Variants in TRIM56 observed in about 807,000 individuals in gnomAD.
TRIM56 encodes tripartite motif containing 56, also known as E3 ubiquitin-protein ligase TRIM56.
TRIM56 carries 10 observed loss-of-function variants against 17.1 expected under a neutral mutation model. The observed-to-expected ratio is 0.58, with a 90% CI of 0.36 to 0.99. TRIM56 has a LOEUF of 0.99. Among genes scored for constraint, TRIM56 ranks in the 50% least tolerant of loss-of-function variants. TRIM56 has a pLI of 0.01. For synonymous variants in TRIM56, 503 were observed against 473.5 expected (o/e 1.06, Z -0.81); for missense variants, 923 against 1,052.3 (o/e 0.88, Z 1.70).
intron 1 of TRIM56, 93 bp from the exon 2 acceptor site, chr7:101,086,913 G>A (rs1370426007): frequency 4.8e-6 from 1 of 207,922 alleles, no homozygotes; most frequent in Non-Finnish European, 9.7e-6. Context: ...GTGCACACAG[G>A]AGGGCTTCCA....
Position 101,091,840 on chromosome 7 carries a change from C to T in TRIM56, c.*2260C>T, listed in dbSNP as rs558521440. 5 of 395,672 alleles carry T rather than the reference C, an allele frequency of 1.3e-5. No homozygotes were observed. The highest frequency in any genetic ancestry group is 7.3e-5 in the East Asian group (1 of 13,790). The allele number at this position is 395,672 out of a possible 1,614,324, so 24.5% of individuals were successfully genotyped here. Reference sequence around the variant, plus strand: ...TCACGGTCTCCCTCTGATGCCGAGCCGAAGCTGGACTGTACTGCTGCCATC... The same window carrying T: ...TCACGGTCTCCCTCTGATGCCGAGCTGAAGCTGGACTGTACTGCTGCCATC... On this transcript the variant is annotated 3_prime_UTR_variant, in exon 3 of 3. Transcript: ENST00000306085.
chr7:101,089,694 C>A lies in TRIM56; in HGVS notation c.*114C>A. 3 of 1,027,100 alleles carry A rather than the reference C, an allele frequency of 2.9e-6. No homozygotes were observed. Among genetic ancestry groups the A allele is most frequent in the South Asian group, 3.4e-5 (2 of 58,544 alleles). 63.6% of individuals were successfully genotyped at this position (1,027,100 alleles called of 1,614,324 possible). A position where few individuals can be genotyped will look rare whatever the true frequency, so the allele number is the denominator to read the frequency against. ...TTTCCTGAAGGGCAGGGGTTGGCAA[C>A]TTTTCAACATGGAGTGCCAAACTGC... On this transcript the variant is annotated 3_prime_UTR_variant, in exon 3 of 3. Coordinates refer to ENST00000306085, the MANE Select transcript of TRIM56 (RefSeq NM_030961.3).
In TRIM56 at chr7:101,089,076, C is replaced by G; in HGVS notation, c.1764C>G (p.Ser588=). 1 of 1,598,222 alleles carries G rather than the reference C, an allele frequency of 6.3e-7. No individual in the cohort carries two copies. Among genetic ancestry groups the G allele is most frequent in the Non-Finnish European group, 8.5e-7 (1 of 1,174,822 alleles). ...EVQWRRALSL[S]QASHAVAALP... ...AGTGGCGCAGGGCCCTGAGCCTCTC[C>G]CAGGCCAGCCACGCGGTGGCGGCAC... is the stretch of plus-strand genomic sequence containing the variant. Residue 588 remains serine, a synonymous_variant, in exon 3 of 3, where the codon TCC becomes TCG. Transcript: ENST00000306085.
chr7:101,089,584 G>T lies in TRIM56; in HGVS notation c.*4G>T, dbSNP rs1348842778. The T allele has an allele frequency of 1.9e-6, 3 of 1,610,762 alleles. No homozygotes were observed. The African/African-American group carries it at 4.0e-5, about 22-fold the overall frequency. ...GGTCCGTTCTCCGGACAGTTAAAGGGGCTAGGACTAGGGTGAGAGGGAGTG... is the reference window on the plus strand; with the variant it reads ...GGTCCGTTCTCCGGACAGTTAAAGGTGCTAGGACTAGGGTGAGAGGGAGTG... On this transcript the variant is annotated 3_prime_UTR_variant, in exon 3 of 3. Coordinates refer to ENST00000306085, the MANE Select transcript of TRIM56 (RefSeq NM_030961.3).
rs1350904111 is a variant in TRIM56 at position 101,087,099 on chromosome 7, G to A, written c.-71G>A. 6 of 580,742 alleles carry A rather than the reference G, an allele frequency of 1.0e-5. No homozygotes were observed. The highest frequency in any genetic ancestry group is 6.2e-5 in the Admixed American group (2 of 32,138). The allele number at this position is 580,742 out of a possible 1,614,324, so 36.0% of individuals were successfully genotyped here. ...GAGGAGGAGGAGGAGAAGGAGGAGGGCAGCTCCTTAGCTCAAGAGCAAGTG... is the reference window on the plus strand; with the variant it reads ...GAGGAGGAGGAGGAGAAGGAGGAGGACAGCTCCTTAGCTCAAGAGCAAGTG... On this transcript the variant is annotated 5_prime_UTR_variant, in exon 2 of 3. Transcript: ENST00000306085.
chr7:101,088,872 G>T lies in TRIM56; in HGVS notation c.1560G>T (p.Glu520Asp). 1.2e-6 allele frequency: 2 copies of T among 1,613,896 alleles called. No homozygotes were observed. The highest frequency in any genetic ancestry group is 2.2e-5 in the East Asian group (1 of 44,864). The change falls in exon 3 of 3, where the codon GAG becomes GAT. Residue 520 changes from glutamate to aspartate, a missense_variant. Glu to Asp is a conservative substitution (Grantham distance 45, BLOSUM62 2). Coordinates refer to ENST00000306085, the MANE Select transcript of TRIM56 (RefSeq NM_030961.3). Reference protein sequence around the residue: ...ITGLCPFGPREILVADEQNRA... With the variant: ...ITGLCPFGPRDILVADEQNRA... ...GGCTCTGTCCCTTCGGTCCCCGGGAGATCCTGGTGGCGGATGAGCAGAACC... is the reference window on the plus strand; with the variant it reads ...GGCTCTGTCCCTTCGGTCCCCGGGATATCCTGGTGGCGGATGAGCAGAACC...
chr7:101,089,914 G>T lies in TRIM56; in HGVS notation c.*334G>T, dbSNP rs1262918382. On this transcript the variant is annotated 3_prime_UTR_variant, in exon 3 of 3. Transcript: ENST00000306085. ...GAGGTTTGTGAGCCTGTCCTGCTTTGCATTCTTCAAAACCATTCCTGATAG... is the reference window on the plus strand; with the variant it reads ...GAGGTTTGTGAGCCTGTCCTGCTTTTCATTCTTCAAAACCATTCCTGATAG... 1 of 271,324 alleles carries T rather than the reference G, an allele frequency of 3.7e-6. No homozygotes were observed. Among genetic ancestry groups the T allele is most frequent in the Non-Finnish European group, 7.5e-6 (1 of 133,072 alleles). The allele number at this position is 271,324 out of a possible 1,614,324, so 16.8% of individuals were successfully genotyped here.
chr7:101,086,447 G>C (rs1795450099), intron 1 of TRIM56, among the ~76,000 whole-genome samples: 1 of 151,696 alleles, frequency 6.6e-6, no homozygotes, highest in African/African-American at 2.4e-5. Context: ...TGTAATCACA[G>C]CTACTCGGGA....
Position 101,093,340 on chromosome 7 carries a change from T to TAAAAAAAAAAA in TRIM56, c.*3769_*3779dup, listed in dbSNP as rs576426651. The TAAAAAAAAAAA allele has an allele frequency of 3.3e-5, 3 of 90,878 alleles. No individual in the cohort carries two copies. Among genetic ancestry groups the TAAAAAAAAAAA allele is most frequent in the Admixed American group, 1.2e-4 (1 of 8,210 alleles). 5.6% of individuals were successfully genotyped at this position (90,878 alleles called of 1,614,324 possible). ...CACCCAAGAATGATCAATAAAAAAT[T>TAAAAAAAAAAA]AAAAAAAAAAAAAAAAAAAGAAAAC... On this transcript the variant is annotated 3_prime_UTR_variant, in exon 3 of 3. Coordinates refer to ENST00000306085, the MANE Select transcript of TRIM56 (RefSeq NM_030961.3).
rs913377725 is a variant in TRIM56 at position 101,088,465 on chromosome 7, G to T, written c.1153G>T (p.Gly385Cys). 1.2e-6 allele frequency: 2 copies of T among 1,613,802 alleles called. No homozygotes were observed. Among genetic ancestry groups the T allele is most frequent in the African/African-American group, 2.7e-5 (2 of 75,044 alleles). ...PQKDGGKDGA[G>C]TQGGEESQSR... ...GAAGGATGGTGGGAAAGACGGAGCT[G>T]GTACCCAGGGAGGTGAGGAGAGCCA... Residue 385 changes from glycine to cysteine, a missense_variant, in exon 3 of 3, where the codon GGT (glycine) becomes TGT (cysteine). Transcript: ENST00000306085.
rs370129810 is a variant in TRIM56 at position 101,089,215 on chromosome 7, C to T, written c.1903C>T (p.Arg635Trp). 286 of 1,613,480 alleles carry T rather than the reference C, an allele frequency of 1.8e-4. No homozygotes were observed. The highest frequency in any genetic ancestry group is 2.3e-4 in the Non-Finnish European group (268 of 1,179,732). ...TGGAGGCAAGGCCAGCCGGGGCCTG[C>T]GGGCGCTGGTGTTTCTGACCACCAG... ...IPGGKASRGL[R>W]ALVFLTTSPQ... The change falls in exon 3 of 3, where the codon CGG (arginine) becomes TGG (tryptophan). Residue 635 changes from arginine to tryptophan, a missense_variant. Transcript: ENST00000306085.
chr7:101,091,361 A>G lies in TRIM56; in HGVS notation c.*1781A>G, dbSNP rs1795561714. 1 of 170,138 alleles carries G rather than the reference A, an allele frequency of 5.9e-6. No homozygotes were observed. Among genetic ancestry groups the G allele is most frequent in the Admixed American group, 5.8e-5 (1 of 17,360 alleles). 10.5% of individuals were successfully genotyped at this position (170,138 alleles called of 1,614,324 possible). On this transcript the variant is annotated 3_prime_UTR_variant, in exon 3 of 3. Transcript: ENST00000306085. ...TATTGAAACAATGCAGGACATCATC[A>G]AAGTCCGGGTGGACACATTCCATTA... is the stretch of plus-strand genomic sequence containing the variant.
chr7:101,088,107 C>T lies in TRIM56; in HGVS notation c.795C>T (p.Ala265=), dbSNP rs1365761520. 4 of 1,503,592 alleles carry T rather than the reference C, an allele frequency of 2.7e-6. No individual in the cohort carries two copies. In the East Asian group the frequency reaches 9.9e-5, roughly 37 times the overall value. 93.1% of individuals were successfully genotyped at this position (1,503,592 alleles called of 1,614,324 possible). The change falls in exon 3 of 3, where the codon GCC becomes GCT. Residue 265 remains alanine (A), a synonymous_variant. Transcript: ENST00000306085. ...AGGCGGCTGAGGGCGTCCTCCGGGC[C>T]CTGCTGGCCCAGAAGCAGGAGGTGC... ...VEEAAEGVLR[A]LLAQKQEVLG...
rs1239942630 is a variant in TRIM56, at chr7:101,088,658, C to G, written c.1346C>G (p.Pro449Arg). The G allele has an allele frequency of 1.9e-6, 3 of 1,614,042 alleles. No individual in the cohort carries two copies. Among genetic ancestry groups the G allele is most frequent in the South Asian group, 2.2e-5 (2 of 91,078 alleles). ...CAGACACCCCACGAGGATGGAGGAC[C>G]CCAGCCCCACAGGGGTGGCAGACCC... ...RAQTPHEDGG[P>R]QPHRGGRPNK... Residue 449 changes from proline (P) to arginine (R), a missense_variant, in exon 3 of 3, where the codon CCC becomes CGC. Pro to Arg is a moderately radical substitution (Grantham distance 103). Coordinates refer to ENST00000306085, the MANE Select transcript of TRIM56 (RefSeq NM_030961.3).
rs576372642 is a variant in TRIM56, at chr7:101,091,166, G to A, written c.*1586G>A. 1 of 152,414 alleles carries A rather than the reference G, an allele frequency of 6.6e-6. No homozygotes were observed. The highest frequency in any genetic ancestry group is 1.9e-4 in the East Asian group (1 of 5,182). 9.4% of individuals were successfully genotyped at this position (152,414 alleles called of 1,614,324 possible). On this transcript the variant is annotated 3_prime_UTR_variant, in exon 3 of 3. Transcript: ENST00000306085. ...GAGGGGGCAAGTAGGCTTGGAGAAT[G>A]TTTTTAGCCAGGGGCTGTTGAGAGA...
rs1361680140 is a variant in TRIM56, at chr7:101,094,095, GAACTGGA to G, written c.*4521_*4527del. ...AGGCTGCTCTGTATATTACAGGCAA[GAACTGGA>G]AACTGTTCGGCTGCAGGGTGACAGC... On this transcript the variant is annotated 3_prime_UTR_variant, in exon 3 of 3. Transcript: ENST00000306085. The G allele has an allele frequency of 1.3e-5, 2 of 152,200 alleles. No individual in the cohort carries two copies. Among genetic ancestry groups the G allele is most frequent in the African/African-American group, 4.8e-5 (2 of 41,446 alleles). 9.4% of individuals were successfully genotyped at this position (152,200 alleles called of 1,614,324 possible). A position where few individuals can be genotyped will look rare whatever the true frequency, so the allele number is the denominator to read the frequency against.
Position 101,097,750 on chromosome 7 carries a change from C to T in TRIM56, c.*8170C>T, listed in dbSNP as rs895664512. ...CTGGGTCAAAGACGAGGAATCAGGACGTCGGTGCCTAGTGACTGAGCGCCA... is the reference window on the plus strand; with the variant it reads ...CTGGGTCAAAGACGAGGAATCAGGATGTCGGTGCCTAGTGACTGAGCGCCA... On this transcript the variant is annotated 3_prime_UTR_variant, in exon 3 of 3. Transcript: ENST00000306085. 4 of 152,206 alleles carry T rather than the reference C, an allele frequency of 2.6e-5. No homozygotes were observed. Among genetic ancestry groups the T allele is most frequent in the Admixed American group, 1.3e-4 (2 of 15,276 alleles). The allele number at this position is 152,206 out of a possible 1,614,324, so 9.4% of individuals were successfully genotyped here.
chr7:101,087,555 G>T lies in TRIM56; in HGVS notation c.243G>T (p.Gly81=). 1 of 1,613,144 alleles carries T rather than the reference G, an allele frequency of 6.2e-7. No homozygotes were observed. Among genetic ancestry groups the T allele is most frequent in the Non-Finnish European group, 8.5e-7 (1 of 1,179,602 alleles). The stretch of plus-strand genomic sequence containing the variant: ...TCAAGACCAACTTCTTCGTCAATGG[G>T]CTGCTGGACCTGGTGAAGGCCCGGG... ...ASFKTNFFVN[G]LLDLVKARAC... Residue 81 remains glycine, a synonymous_variant, in exon 3 of 3, where the codon GGG becomes GGT. Transcript: ENST00000306085.
At position 101,087,965 on chromosome 7, in the gene TRIM56, G is replaced by A; in HGVS notation, c.653G>A (p.Gly218Glu). The A allele has an allele frequency of 6.3e-7, 1 of 1,596,554 alleles. No homozygotes were observed. Among genetic ancestry groups the A allele is most frequent in the Non-Finnish European group, 8.5e-7 (1 of 1,177,064 alleles). The change falls in exon 3 of 3, where the codon GGA (glycine) becomes GAA (glutamate). Residue 218 changes from glycine to glutamate, a missense_variant. By Grantham distance (98) the Gly-to-Glu change is moderately conservative (BLOSUM62 -2). Transcript: ENST00000306085. ...AVRARRPGLE[G>E]LLAGVDNNLV... ...CGTGCCCGGAGGCCGGGCCTGGAGGGACTGCTGGCCGGTGTGGACAATAAC... is the reference window on the plus strand; with the variant it reads ...CGTGCCCGGAGGCCGGGCCTGGAGGAACTGCTGGCCGGTGTGGACAATAAC...
Sources: allele counts gnomAD v4.1 joint callset (sites outside exome capture counted in the v4.1 genomes callset), GRCh38; gene constraint gnomAD v4.1.1; transcripts MANE v1.5; gene names NCBI Gene and HGNC (gene_info 2026-07-23, HGNC 2026-07-21).